Variants in MCPH1 observed in about 807,000 individuals in gnomAD.
MCPH1 encodes microcephalin 1.
MCPH1 carries 104 observed loss-of-function variants against 84.5 expected under a neutral mutation model. The ratio of observed to expected loss-of-function variants is 1.23; its 90% confidence interval spans 1.05 to 1.45. The LOEUF is 1.45. MCPH1 is among the 40% of genes most tolerant of loss of function. MCPH1 has a pLI of 0.00. For missense variants in MCPH1, 1,498 were observed against 1,005.7 expected, an observed-to-expected ratio of 1.49 and a Z score of -6.62; for synonymous variants, 514 against 366.8, an observed-to-expected ratio of 1.40 and a Z score of -4.58.
chr8:6,534,375 G>T (rs550792641), intron 12 of MCPH1, among the ~76,000 whole-genome samples: 1 of 152,102 alleles, frequency 6.6e-6, no homozygotes. Context: ...CCTGTTTTAC[G>T]GAAGAGGCTT....
At chr8:6,420,453 G>A (rs73516732) in intron 3 of MCPH1, among the ~76,000 whole-genome samples, 4,723 of 152,182 alleles carry the variant, frequency 0.031, 202 homozygotes, top group East Asian at 0.18. Context: ...CTGAATTTGC[G>A]CTGTTATCTC....
chr8:6,593,038 T>C (rs557363824), intron 12 of MCPH1, among the ~76,000 whole-genome samples: 6 of 151,320 alleles, frequency 4.0e-5, no homozygotes, highest in African/African-American at 1.2e-4. Flanking sequence ...GTCAAATTGC[T>C]GCTTCAAGGC....
chr8:6,432,891 C>A (rs913565424), intron 4 of MCPH1, among the ~76,000 whole-genome samples: 1 of 152,186 alleles, frequency 6.6e-6, no homozygotes, highest in Non-Finnish European at 1.5e-5. Flanking sequence ...TACATATTTT[C>A]TTTGTAAAAC....
chr8:6,594,101 C>T (rs1041427942), intron 12 of MCPH1, among the ~76,000 whole-genome samples: 24 of 152,192 alleles, frequency 1.6e-4, no homozygotes, highest in African/African-American at 5.3e-4. Context: ...GGCAAGGCTG[C>T]TGTGTTTGAG....
chr8:6,632,290 A>G (rs991099343), intron 13 of MCPH1, among the ~76,000 whole-genome samples: 6 of 152,226 alleles, frequency 3.9e-5, no homozygotes, highest in Non-Finnish European at 8.8e-5. Context: ...TTGCGAATGT[A>G]CTTCATGCCA....
At chr8:6,413,755 T>C (rs1798858573) in intron 2 of MCPH1, among the ~76,000 whole-genome samples, 1 of 148,572 alleles carries the variant, frequency 6.7e-6, no homozygotes, top group Non-Finnish European at 1.5e-5. Flanking sequence ...TACAGTATCT[T>C]TTTTTTTTTT....
intron 12 of MCPH1, among the ~76,000 whole-genome samples, chr8:6,611,614 G>A (rs553092611): frequency 7.6e-6 from 1 of 132,328 alleles, no homozygotes; most frequent in South Asian, 2.6e-4. Context: ...TTTAACGTCA[G>A]GATTTTTTTT....
At chr8:6,540,181 AT>A (rs891324438) in intron 12 of MCPH1, among the ~76,000 whole-genome samples, 2 of 151,938 alleles carry the variant, frequency 1.3e-5, no homozygotes, top group African/African-American at 4.8e-5. Context: ...CTTTGCATTA[AT>A]TTTTTTCACA....
intron 12 of MCPH1, chr8:6,508,714 A>T (rs1167760201): frequency 4.6e-6 from 3 of 649,718 alleles, no homozygotes; most frequent in Non-Finnish European, 7.9e-6. Context: ...GAGGAGACAC[A>T]GTTGGCTTGC....
intron 9 of MCPH1, among the ~76,000 whole-genome samples, chr8:6,464,337 G>A (rs972053335): frequency 1.3e-5 from 2 of 152,182 alleles, no homozygotes; most frequent in Admixed American, 1.3e-4. Flanking sequence ...TTAAAAAACA[G>A]CTGCCTCTTG....
Position 6,508,132 on chromosome 8 carries a change from A to G in MCPH1, c.2214+8203A>G, listed in dbSNP as rs769551713. ...CTCATTTGTGTTTATAGGTGTTGCT[A>G]TATATTAATGGAATCTTTTTTAAAA... is the stretch of plus-strand genomic sequence containing the variant. On this transcript the variant is annotated intron_variant, in intron 12 of 13. Transcript: ENST00000344683. 8 of 152,340 alleles carry G rather than the reference A, an allele frequency of 5.3e-5. No individual in the cohort carries two copies. The South Asian group carries it at 6.2e-4, about 12-fold the overall frequency. The allele number at this position is 152,340 out of a possible 1,614,324, so 9.4% of individuals were successfully genotyped here. A position where few individuals can be genotyped will look rare whatever the true frequency, so the allele number is the denominator to read the frequency against.
intron 12 of MCPH1, among the ~76,000 whole-genome samples, chr8:6,591,143 C>A (rs527965735): frequency 6.6e-6 from 1 of 152,220 alleles, no homozygotes; most frequent in Non-Finnish European, 1.5e-5. Flanking sequence ...GTGATCAGCC[C>A]GCCTTGGCCT....
chr8:6,543,211 G>T (rs1361091761), intron 12 of MCPH1, among the ~76,000 whole-genome samples: 2 of 152,138 alleles, frequency 1.3e-5, no homozygotes, highest in African/African-American at 4.8e-5. Context: ...ATTGGAAGAT[G>T]CTCAAAATAC....
intron 12 of MCPH1, among the ~76,000 whole-genome samples, chr8:6,590,334 C>T (rs771922571): frequency 9.2e-5 from 14 of 152,116 alleles, no homozygotes; most frequent in Non-Finnish European, 1.9e-4. Flanking sequence ...CCATCATCAC[C>T]TCATGCATGA....
intron 12 of MCPH1, among the ~76,000 whole-genome samples, chr8:6,572,063 T>A (rs1006149262): frequency 5.3e-5 from 8 of 152,100 alleles, no homozygotes; most frequent in African/African-American, 1.9e-4. Context: ...AAATGTTCCA[T>A]TTCAAGTAAG....
chr8:6,585,201 C>T (rs1373786772), intron 12 of MCPH1, among the ~76,000 whole-genome samples: 1 of 152,200 alleles, frequency 6.6e-6, no homozygotes, highest in Non-Finnish European at 1.5e-5. Context: ...GAAAGTTCTC[C>T]CAGTGGGTAC....
At chr8:6,504,315 C>G (rs1453691058) in intron 12 of MCPH1, among the ~76,000 whole-genome samples, 1 of 46,620 alleles carries the variant, frequency 2.1e-5, no homozygotes, top group Admixed American at 2.5e-4. Context: ...GAGACTCCAG[C>G]TCAAAAAAAA....
intron 12 of MCPH1, among the ~76,000 whole-genome samples, chr8:6,504,184 G>A (rs572230800): frequency 6.6e-6 from 1 of 151,876 alleles, no homozygotes; most frequent in Non-Finnish European, 1.5e-5. Context: ...CGGGCGTGGT[G>A]GCGGACGCCT....
intron 12 of MCPH1, among the ~76,000 whole-genome samples, chr8:6,581,747 A>G (rs1380498058): frequency 1.3e-5 from 2 of 152,194 alleles, no homozygotes; most frequent in Non-Finnish European, 2.9e-5. Context: ...CATATCATTC[A>G]AACTGGGTGT....
Sources: allele counts gnomAD v4.1 joint callset (sites outside exome capture counted in the v4.1 genomes callset), GRCh38; gene constraint gnomAD v4.1.1; transcripts MANE v1.5; gene names NCBI Gene and HGNC (gene_info 2026-07-23, HGNC 2026-07-21).